The following DNAH2 variants were observed in gnomAD, a reference collection of about 807,000 sequenced individuals.
DNAH2 encodes the protein dynein axonemal heavy chain 2, also known as axonemal beta dynein heavy chain 2.
A neutral mutation model predicts 523.5 loss-of-function variants in DNAH2; 323 were observed. The observed-to-expected ratio is 0.62, with a 90% CI of 0.56 to 0.68. The LOEUF (loss-of-function observed/expected upper bound fraction) is 0.68. Ranked by LOEUF, DNAH2 falls within the 30% of genes least tolerant of loss-of-function variation. The pLI is 0.00. For synonymous variants in DNAH2, 2,093 were observed against 2,177.4 expected (o/e 0.96, Z 1.08); for missense variants, 4,907 against 5,701.5 (o/e 0.86, Z 4.49).
At chr17:7,777,800 C>G (rs1382300643) in intron 33 of DNAH2, among the ~76,000 whole-genome samples, 166 bp downstream of exon 33, 1 of 152,222 alleles carries the variant, frequency 6.6e-6, no homozygotes, top group African/African-American at 2.4e-5. Context: ...TCAGGAGTGG[C>G]AAGTAGTTGT....
chr17:7,731,075 G>A (rs954617961), intron 4 of DNAH2, among the ~76,000 whole-genome samples: 2 of 152,062 alleles, frequency 1.3e-5, no homozygotes, highest in African/African-American at 2.4e-5. Context: ...CCAAGATCAC[G>A]CCATTGCACT....
In DNAH2 at chr17:7,743,487, A is replaced by C. The variant is rs181090270; in HGVS notation, c.1904+345A>C. 4 of 642,444 alleles carry C rather than the reference A, an allele frequency of 6.2e-6. No individual in the cohort carries two copies. The South Asian group carries it at 7.1e-5, about 11-fold the overall frequency. 39.8% of individuals were successfully genotyped at this position (642,444 alleles called of 1,614,324 possible). The stretch of plus-strand genomic sequence containing the variant: ...TTGAGAACAGCCTGGGCAACATGGC[A>C]AAACCCAGTCTCTGCAAAAAATACA... On this transcript the variant is annotated intron_variant, in intron 12 of 85. Coordinates refer to ENST00000572933, the MANE Select transcript of DNAH2 (RefSeq NM_020877.5).
intron 74 of DNAH2, 45 bp downstream of exon 74, chr17:7,823,673 A>G (rs771050753): frequency 1.2e-6 from 2 of 1,600,938 alleles, no homozygotes; most frequent in Non-Finnish European, 1.7e-6. Flanking sequence ...CCTTCCCTCC[A>G]TTCAGCCACA....
chr17:7,730,948 C>G (rs138832850), intron 4 of DNAH2, among the ~76,000 whole-genome samples: 2,297 of 152,060 alleles, frequency 0.015, 50 homozygotes, highest in South Asian at 0.093. Context: ...AACCCTGTCT[C>G]TACTAAAAAT....
rs1362662521 is a variant in DNAH2 at position 7,743,123 on chromosome 17, C to A, written c.1885C>A (p.Leu629Met). 6.3e-7 allele frequency: 1 copy of A among 1,584,454 alleles called. No individual in the cohort carries two copies. Among genetic ancestry groups the A allele is most frequent in the South Asian group, 1.2e-5 (1 of 84,902 alleles). ...AATCAGCCAGGAGAAGGCGGGCATG[C>A]TGGATGTCAACTTTGACAAGTACAG... is the stretch of plus-strand genomic sequence containing the variant. Reference protein sequence around the residue: ...LRISQEKAGMLDVNFDKSLLI... With the variant: ...LRISQEKAGMMDVNFDKSLLI... The change falls in exon 12 of 86, where the codon CTG (leucine) becomes ATG (methionine). Residue 629 changes from leucine to methionine, a missense_variant. This residue lies in a region of DNAH2 where 2,806 missense variants were observed against 3,190.8 expected (regional missense o/e 0.88). Transcript: ENST00000572933.
At chr17:7,779,749 G>A (rs1360577960) in intron 36 of DNAH2, among the ~76,000 whole-genome samples, 1 of 152,140 alleles carries the variant, frequency 6.6e-6, no homozygotes, top group Non-Finnish European at 1.5e-5. Context: ...AGGCTCTAGG[G>A]TCTCTCATTA....
chr17:7,769,926 T>C (rs1597599938), intron 24 of DNAH2, among the ~76,000 whole-genome samples: 1 of 152,344 alleles, frequency 6.6e-6, no homozygotes, highest in African/African-American at 2.4e-5. Flanking sequence ...TAATAATTCC[T>C]AATTTATAGA....
chr17:7,822,951 CCCA>C (rs1268210287), intron 73 of DNAH2, among the ~76,000 whole-genome samples: 1 of 152,046 alleles, frequency 6.6e-6, no homozygotes, highest in Non-Finnish European at 1.5e-5. Flanking sequence ...AGTCCTAGCC[CCCA>C]CGTTTATTCC....
At chr17:7,738,961 A>G (rs1251862241) in intron 8 of DNAH2, 3 of 702,694 alleles carry the variant, frequency 4.3e-6, no homozygotes, top group Non-Finnish European at 7.8e-6. Flanking sequence ...AGATCAGACC[A>G]GCATCTTTGC....
At chr17:7,826,463 C>T (rs1425308183) in intron 77 of DNAH2, among the ~76,000 whole-genome samples, 1 of 148,262 alleles carries the variant, frequency 6.7e-6, no homozygotes, top group East Asian at 2.0e-4. Context: ...TAAGTAGGTA[C>T]AAAAGAAGAT....
In DNAH2 at chr17:7,729,436, T is replaced by C. The variant is rs2074922702; in HGVS notation, c.399+2144T>C. On this transcript the variant is annotated intron_variant, in intron 4 of 85. Coordinates refer to ENST00000572933, the MANE Select transcript of DNAH2 (RefSeq NM_020877.5). ...GAGAGGAGGAGCCTAGGTTTGTTTG[T>C]TTGTTTGTTTTGAGACGGAGTTTTG... 3.3e-5 allele frequency among the ~76,000 whole-genome samples: 5 copies of C among 151,962 alleles called. No homozygotes were observed. In the South Asian group the frequency reaches 1.0e-3, roughly 32 times the overall value.
In DNAH2 at chr17:7,828,117, C is replaced by T. The variant is rs1001081861; in HGVS notation, c.11854-2183C>T. On this transcript the variant is annotated intron_variant, in intron 77 of 85. Coordinates refer to ENST00000572933, the MANE Select transcript of DNAH2 (RefSeq NM_020877.5). This position sits in a 1 kb window ranked among gnomAD's most constrained non-coding sequence, Gnocchi z 4.1. The stretch of plus-strand genomic sequence containing the variant: ...GTTTTTTTGTAGAGACTGGATTTCA[C>T]CATGTTGGCCAGGCTGGTCTTGGAC... Among the ~76,000 whole-genome samples the T allele has an allele frequency of 6.6e-6, 1 of 152,042 alleles. No individual in the cohort carries two copies. Among genetic ancestry groups the T allele is most frequent in the Non-Finnish European group, 1.5e-5 (1 of 68,022 alleles).
chr17:7,824,230 G>T lies in DNAH2; in HGVS notation c.11588G>T (p.Arg3863Leu). 6.2e-7 allele frequency: 1 copy of T among 1,605,816 alleles called. No individual in the cohort carries two copies. The highest frequency in any genetic ancestry group is 8.5e-7 in the Non-Finnish European group (1 of 1,177,120). Reference protein sequence around the residue: ...QLAEHMGMAQRFHALSLGQGQ... With the variant: ...QLAEHMGMAQLFHALSLGQGQ... ...GCAGAGCACATGGGCATGGCCCAGC[G>T]CTTCCACGCCCTGTCCCTGGGCCAG... Residue 3863 changes from arginine (R) to leucine (L), a missense_variant, in exon 76 of 86, where the codon CGC becomes CTC. This residue lies in a region of DNAH2 where 1,851 missense variants were observed against 2,139.4 expected (regional missense o/e 0.87). Transcript: ENST00000572933.
At chr17:7,792,157 C>T in intron 45 of DNAH2, 88 bp downstream of exon 45, 1 of 1,601,090 alleles carries the variant, frequency 6.2e-7, no homozygotes, top group Non-Finnish European at 8.5e-7. Flanking sequence ...GGGTTTCCCT[C>T]TCTCTTTCTT....
intron 39 of DNAH2, among the ~76,000 whole-genome samples, chr17:7,785,786 AT>A (rs1278876454): frequency 6.6e-6 from 1 of 152,226 alleles, no homozygotes; most frequent in African/African-American, 2.4e-5. Flanking sequence ...CTTGGCATAC[AT>A]TGTACAGGCT....
chr17:7,817,293 C>T lies in DNAH2; in HGVS notation c.9898C>T (p.Leu3300=). 6.3e-7 allele frequency: 1 copy of T among 1,594,772 alleles called. No homozygotes were observed. The highest frequency in any genetic ancestry group is 1.4e-5 in the African/African-American group (1 of 73,650). The change falls in exon 65 of 86, where the codon CTG becomes TTG. Residue 3300 remains leucine, a synonymous_variant. Coordinates refer to ENST00000572933, the MANE Select transcript of DNAH2 (RefSeq NM_020877.5). ...KARWEETVQG[L]EEDLGYLVGD... is the part of the protein sequence containing the mutation. The stretch of plus-strand genomic sequence containing the variant: ...TACCCTCCCTCCTGTCCGCCAGGGC[C>T]TGGAGGAGGACCTGGGCTACCTGGT...
In DNAH2 at chr17:7,767,906, G is replaced by A. The variant is rs779629888; in HGVS notation, c.3682G>A (p.Asp1228Asn). 6 of 1,613,984 alleles carry A rather than the reference G, an allele frequency of 3.7e-6. No homozygotes were observed. The highest frequency in any genetic ancestry group is 2.2e-5 in the East Asian group (1 of 44,894). The change falls in exon 23 of 86, where the codon GAT becomes AAT. Residue 1228 changes from aspartate (D) to asparagine (N), a missense_variant. This residue lies in a region of DNAH2 where 2,806 missense variants were observed against 3,190.8 expected (regional missense o/e 0.88). Transcript: ENST00000572933. ...GCGCCTTTCTGCCCTGTAGGAGCTC[G>A]ATGCCCTCCAGCAAATCTGGGAGAT... ...KDLQNLEKEL[D>N]ALQQIWEIAR...
chr17:7,788,283 T>C (rs1385524466), intron 44 of DNAH2, 39 bp downstream of exon 44: 1 of 1,524,942 alleles, frequency 6.6e-7, no homozygotes, highest in Non-Finnish European at 8.8e-7. Flanking sequence ...GGGCAGGGGG[T>C]GCTCACAGCC....
chr17:7,728,142 C>G (rs1165509428), intron 4 of DNAH2, among the ~76,000 whole-genome samples: 2 of 152,140 alleles, frequency 1.3e-5, no homozygotes, highest in Non-Finnish European at 2.9e-5. Context: ...AGATAGATAA[C>G]TATTTCAACA....
Sources: gnomAD v4.1 joint callset for allele counts (sites outside exome capture counted in the v4.1 genomes callset) on GRCh38, gnomAD v4.1.1 for gene constraint, gnomAD v4.1.1 regional missense constraint, Gnocchi (gnomAD v3.1) non-coding constraint, MANE v1.5 for transcripts, NCBI Gene and HGNC (gene_info 2026-07-23, HGNC 2026-07-21) for gene names.